The following CDH8 variants were observed in gnomAD, a reference collection of about 807,000 sequenced individuals.
CDH8 encodes the protein cadherin-8.
In CDH8, 17 loss-of-function variants were observed where a neutral mutation model predicts 68.1. The observed-to-expected ratio is 0.25, with a 90% confidence interval of 0.17 to 0.37. CDH8 has a LOEUF of 0.37. CDH8 is among the 10% of genes least tolerant of loss of function. CDH8 has a pLI of 1.00. For missense variants in CDH8, 763 were observed against 999.3 expected, an observed-to-expected ratio of 0.76 and a Z score of 3.19; for synonymous variants, 372 against 365.1, an observed-to-expected ratio of 1.02 and a Z score of -0.21.
At chr16:61,709,694 A>G (rs1053705161) in intron 10 of CDH8, among the ~76,000 whole-genome samples, 1 of 151,998 alleles carries the variant, frequency 6.6e-6, no homozygotes, top group African/African-American at 2.4e-5. Context: ...TGTGTGGAGA[A>G]ACCTGAGTTT....
At chr16:61,841,540 G>A (rs1962683648) in intron 4 of CDH8, among the ~76,000 whole-genome samples, 1 of 152,162 alleles carries the variant, frequency 6.6e-6, no homozygotes. Flanking sequence ...GGGCTGGGGA[G>A]GGAGTGGGGA....
chr16:61,888,387 A>G (rs934605296), intron 3 of CDH8, among the ~76,000 whole-genome samples: 1 of 152,006 alleles, frequency 6.6e-6, no homozygotes, highest in African/African-American at 2.4e-5. Context: ...CTTTTTTCCC[A>G]TCCCCAGAAG....
At chr16:61,672,873 T>C (rs1963826037) in intron 10 of CDH8, among the ~76,000 whole-genome samples, 1 of 152,124 alleles carries the variant, frequency 6.6e-6, no homozygotes, top group East Asian at 1.9e-4. Context: ...CAAGCAAATG[T>C]TCTACCTAAC....
At chr16:61,873,004 A>G (rs1386983422) in intron 3 of CDH8, among the ~76,000 whole-genome samples, 2 of 152,150 alleles carry the variant, frequency 1.3e-5, no homozygotes, top group African/African-American at 4.8e-5. Flanking sequence ...GCACTGAAAA[A>G]CATTCAGAAG....
intron 7 of CDH8, among the ~76,000 whole-genome samples, chr16:61,808,114 T>C (rs1263186872): frequency 6.6e-6 from 1 of 152,208 alleles, no homozygotes; most frequent in Non-Finnish European, 1.5e-5. Flanking sequence ...GAAAACCTAG[T>C]GTCATACAGA....
chr16:61,788,157 T>C (rs1203450769), intron 8 of CDH8, among the ~76,000 whole-genome samples: 1 of 152,058 alleles, frequency 6.6e-6, no homozygotes, highest in African/African-American at 2.4e-5. Context: ...GCGTTCTTTT[T>C]ATAAGGCTTG....
At chr16:61,908,957 A>T (rs1964111759) in intron 2 of CDH8, among the ~76,000 whole-genome samples, 1 of 152,178 alleles carries the variant, frequency 6.6e-6, no homozygotes, top group African/African-American at 2.4e-5. Flanking sequence ...TGAAATAAAA[A>T]CACTTCTCAA....
At chr16:61,680,372 A>G (rs1205885038) in intron 10 of CDH8, among the ~76,000 whole-genome samples, 1 of 151,950 alleles carries the variant, frequency 6.6e-6, no homozygotes, top group Non-Finnish European at 1.5e-5. Context: ...AAAATCACCT[A>G]TGATAACATG....
intron 2 of CDH8, among the ~76,000 whole-genome samples, chr16:61,954,200 T>C (rs2143601958): frequency 6.6e-6 from 1 of 152,124 alleles, no homozygotes. Flanking sequence ...TGAAGTTGGT[T>C]GTTCAGCTCT....
chr16:62,002,416 A>G (rs974750550), intron 2 of CDH8, among the ~76,000 whole-genome samples: 7 of 152,196 alleles, frequency 4.6e-5, no homozygotes, highest in African/African-American at 1.2e-4. Flanking sequence ...TAGAGGAACT[A>G]TACGACTTCA....
rs867924030 is a variant in CDH8 at position 61,957,824 on chromosome 16, A to G, written c.253-56351T>C. On this transcript the variant is annotated intron_variant, in intron 2 of 11. Transcript: ENST00000577390. ...CCGCCTCTGCTGACCACCGTACAGA[A>G]AGCCATTTCCTCTCCCTCCTCTGGT... Among the ~76,000 whole-genome samples the G allele has an allele frequency of 4.6e-5, 7 of 152,256 alleles. No individual in the cohort carries two copies. The South Asian group carries it at 1.2e-3, about 27-fold the overall frequency.
chr16:62,019,525 G>C (rs1391480948), intron 2 of CDH8, among the ~76,000 whole-genome samples: 1 of 152,148 alleles, frequency 6.6e-6, no homozygotes, highest in African/African-American at 2.4e-5. Flanking sequence ...AAACATTAAG[G>C]TATATAAACT....
Position 61,911,331 on chromosome 16 carries a change from C to T in CDH8, c.253-9858G>A, listed in dbSNP as rs541640640. Among the ~76,000 whole-genome samples the T allele has an allele frequency of 5.9e-5, 9 of 152,200 alleles. 1 individual carries two copies. In the South Asian group the frequency reaches 1.9e-3, roughly 32 times the overall value. ...TTACTAACTAAATGAGATTCTCAGC[C>T]ATCCTTCCATTTATGTTTCAATGCA... On this transcript the variant is annotated intron_variant, in intron 2 of 11. Coordinates refer to ENST00000577390, the MANE Select transcript of CDH8 (RefSeq NM_001796.5).
At chr16:61,782,184 C>T (rs993982974) in intron 8 of CDH8, among the ~76,000 whole-genome samples, 10 of 152,284 alleles carry the variant, frequency 6.6e-5, no homozygotes, top group African/African-American at 2.4e-4. Flanking sequence ...GTACCGGGTT[C>T]ATCTCACTAG....
In CDH8 at chr16:61,901,359, T is replaced by C. The variant is rs748196564; in HGVS notation, c.367A>G (p.Arg123Gly). ...DVTGDIHAIK[R>G]LDREEKAEYT... ...TCAGCCTTTTCCTCCCGGTCAAGTC[T>C]TTTTATAGCATGGATATCTCCAGTT... Residue 123 changes from arginine to glycine, a missense_variant, in exon 3 of 12, where the codon AGA becomes GGA. Arg to Gly is a moderately radical substitution (Grantham distance 125). This residue lies in a region of CDH8 where 366 missense variants were observed against 563.1 expected (regional missense o/e 0.65). Coordinates refer to ENST00000577390, the MANE Select transcript of CDH8 (RefSeq NM_001796.5). The C allele has an allele frequency of 1.2e-6, 2 of 1,613,990 alleles. No homozygotes were observed. The highest frequency in any genetic ancestry group is 1.7e-6 in the Non-Finnish European group (2 of 1,179,920).
intron 2 of CDH8, among the ~76,000 whole-genome samples, chr16:61,924,831 G>A (rs1964432392): frequency 6.6e-6 from 1 of 152,056 alleles, no homozygotes; most frequent in South Asian, 2.1e-4. Context: ...TTTAAATAAA[G>A]AGCTGTTAAT....
intron 8 of CDH8, among the ~76,000 whole-genome samples, chr16:61,773,896 G>A (rs1203969993): frequency 6.6e-6 from 1 of 152,032 alleles, no homozygotes; most frequent in Non-Finnish European, 1.5e-5. Flanking sequence ...AGTGAGTGGA[G>A]TAACTGACAC....
chr16:61,839,480 A>G (rs1597009455), intron 4 of CDH8, among the ~76,000 whole-genome samples: 1 of 152,324 alleles, frequency 6.6e-6, no homozygotes. Context: ...TTCCATTTCA[A>G]TTGTGAGTGG....
intron 3 of CDH8, among the ~76,000 whole-genome samples, chr16:61,863,532 AAG>A (rs1597026140): frequency 6.6e-6 from 1 of 152,132 alleles, no homozygotes; most frequent in East Asian, 1.9e-4. Flanking sequence ...ATTATTCAGA[AAG>A]AAAAATGCTG....
Sources: gnomAD v4.1 joint callset for allele counts (sites outside exome capture counted in the v4.1 genomes callset) on GRCh38, gnomAD v4.1.1 for gene constraint, gnomAD v4.1.1 regional missense constraint, MANE v1.5 for transcripts, NCBI Gene and HGNC (gene_info 2026-07-23, HGNC 2026-07-21) for gene names.